The following FAM222A variants were observed in gnomAD, a reference collection of about 807,000 sequenced individuals.
The protein encoded by FAM222A is protein FAM222A.
In FAM222A, 7 loss-of-function variants were observed where a neutral mutation model predicts 25.8. The ratio of observed to expected loss-of-function variants is 0.27; its 90% CI spans 0.15 to 0.51. The LOEUF is 0.51. Among genes scored for constraint, FAM222A ranks in the 20% least tolerant of loss-of-function variants. The probability of loss-of-function intolerance (pLI) is 0.97; values close to 1 mark genes in which losing one functional copy is unlikely to be tolerated. For missense variants in FAM222A, 573 were observed against 640.5 expected, an observed-to-expected ratio of 0.89 and a Z score of 1.14; for synonymous variants, 294 against 298.8, an observed-to-expected ratio of 0.98 and a Z score of 0.17.
At chr12:109,747,717 A>C (rs1181662435) in intron 2 of FAM222A, among the ~76,000 whole-genome samples, 1 of 151,988 alleles carries the variant, frequency 6.6e-6, no homozygotes, top group Non-Finnish European at 1.5e-5. Context: ...TAGCTTTTTT[A>C]GCTAGCCTTT....
At chr12:109,740,265 G>T (rs1367167136) in intron 1 of FAM222A, among the ~76,000 whole-genome samples, 5 of 152,168 alleles carry the variant, frequency 3.3e-5, no homozygotes, top group Non-Finnish European at 7.3e-5. Flanking sequence ...TCTGGTGGAG[G>T]GGACCTTTTC....
intron 2 of FAM222A, chr12:109,744,860 G>A (rs1223961310): frequency 5.0e-6 from 4 of 804,994 alleles, no homozygotes; most frequent in Admixed American, 1.2e-4. Context: ...TGGTAACATA[G>A]GCCTGTGTGC....
chr12:109,728,964 G>A (rs1379738091), intron 1 of FAM222A, among the ~76,000 whole-genome samples: 1 of 111,144 alleles, frequency 9.0e-6, no homozygotes, highest in African/African-American at 3.1e-5. Context: ...AAGGCAGTGG[G>A]GTTACAGGTA....
rs1341223057 is a variant in FAM222A, at chr12:109,768,574, C to T, written c.645C>T (p.Ala215=). ...QLNQQCQAPG[A]APPACQGMAI... ...ACCAGCAGTGCCAGGCCCCGGGCGC[C>T]GCACCCCCTGCCTGCCAGGGCATGG... The change falls in exon 3 of 3, where the codon GCC becomes GCT. Residue 215 remains alanine (A), a synonymous_variant. Transcript: ENST00000538780. 15 of 1,601,722 alleles carry T rather than the reference C, an allele frequency of 9.4e-6. No individual in the cohort carries two copies. Among genetic ancestry groups the T allele is most frequent in the African/African-American group, 4.0e-5 (3 of 74,808 alleles).
intron 2 of FAM222A, among the ~76,000 whole-genome samples, chr12:109,754,666 CTTT>C (rs35822126): frequency 7.0e-6 from 1 of 143,600 alleles, no homozygotes; most frequent in South Asian, 2.2e-4. Context: ...GTTTGGGACT[CTTT>C]TTTTTTTTTT....
At chr12:109,741,298 C>G (rs1251938959) in intron 1 of FAM222A, among the ~76,000 whole-genome samples, 1 of 152,162 alleles carries the variant, frequency 6.6e-6, no homozygotes. Context: ...AAGTGAAGAG[C>G]ATCTCTCAGG....
chr12:109,743,798 T>TG lies in FAM222A; in HGVS notation c.-46-298dup, dbSNP rs965841087. Among the ~76,000 whole-genome samples, 6 of 152,174 alleles carry TG rather than the reference T, an allele frequency of 3.9e-5. No individual in the cohort carries two copies. In the East Asian group the frequency reaches 7.7e-4, roughly 20 times the overall value. ...GGAGGGAGTGAGGATCTCACCCAGT[T>TG]GGGGGCATCAGGGCAGGCCCCAGAG... On this transcript the variant is annotated intron_variant, in intron 1 of 2. Coordinates refer to ENST00000538780, the MANE Select transcript of FAM222A (RefSeq NM_032829.3).
chr12:109,724,296 G>C (rs936979596), intron 1 of FAM222A, among the ~76,000 whole-genome samples: 5 of 152,250 alleles, frequency 3.3e-5, no homozygotes, highest in African/African-American at 1.2e-4. Flanking sequence ...GACAGGGCTT[G>C]GTGTGGAGTG....
intron 2 of FAM222A, among the ~76,000 whole-genome samples, chr12:109,765,573 G>T (rs931021924): frequency 3.9e-5 from 6 of 152,198 alleles, no homozygotes; most frequent in African/African-American, 1.4e-4. Context: ...TCTACCAGTG[G>T]CCCAGGACTT....
At chr12:109,719,201 A>T (rs1887704457) in intron 1 of FAM222A, among the ~76,000 whole-genome samples, 1 of 152,220 alleles carries the variant, frequency 6.6e-6, no homozygotes, top group Non-Finnish European at 1.5e-5. Flanking sequence ...AGTACCTTCC[A>T]GAGTTTACGT....
chr12:109,769,236 C>G lies in FAM222A; in HGVS notation c.1307C>G (p.Pro436Arg), dbSNP rs758976307. Reference protein sequence around the residue: ...LGKGYETVAVPRLLDHQHAHI... With the variant: ...LGKGYETVAVRRLLDHQHAHI... ...AAGGGCTATGAGACGGTGGCCGTGCCCCGGCTACTCGACCACCAGCATGCC... is the reference window on the plus strand; with the variant it reads ...AAGGGCTATGAGACGGTGGCCGTGCGCCGGCTACTCGACCACCAGCATGCC... The change falls in exon 3 of 3, where the codon CCC becomes CGC. Residue 436 changes from proline to arginine, a missense_variant. This residue lies in a region of FAM222A where 49 missense variants were observed against 78.9 expected (regional missense o/e 0.62). Coordinates refer to ENST00000538780, the MANE Select transcript of FAM222A (RefSeq NM_032829.3). 1 of 1,611,678 alleles carries G rather than the reference C, an allele frequency of 6.2e-7. No individual in the cohort carries two copies. Among genetic ancestry groups the G allele is most frequent in the Non-Finnish European group, 8.5e-7 (1 of 1,179,604 alleles).
chr12:109,741,887 G>T lies in FAM222A; in HGVS notation c.-46-2214G>T, dbSNP rs1289099191. ...GTGCAGCCAAGCTCAGTGGTGAGGG[G>T]GTAAGTGCACCCAGCCACTCCCTGC... On this transcript the variant is annotated intron_variant, in intron 1 of 2. Coordinates refer to ENST00000538780, the MANE Select transcript of FAM222A (RefSeq NM_032829.3). 2.0e-5 allele frequency among the ~76,000 whole-genome samples: 3 copies of T among 152,208 alleles called. No individual in the cohort carries two copies. In the East Asian group the frequency reaches 5.8e-4, roughly 29 times the overall value.
chr12:109,751,947 A>T (rs1212467691), intron 2 of FAM222A, among the ~76,000 whole-genome samples: 1 of 152,200 alleles, frequency 6.6e-6, no homozygotes, highest in Admixed American at 6.5e-5. Context: ...AAATGGTAAC[A>T]TTTAACCAGC....
Position 109,769,076 on chromosome 12 carries a change from C to A in FAM222A, c.1147C>A (p.Pro383Thr). The change falls in exon 3 of 3, where the codon CCC (proline) becomes ACC (threonine). Residue 383 changes from proline to threonine, a missense_variant. Coordinates refer to ENST00000538780, the MANE Select transcript of FAM222A (RefSeq NM_032829.3). The part of the protein sequence containing the change: ...GPGAARELAG[P>T]PADALSGLPS... The stretch of plus-strand genomic sequence containing the variant: ...GGGGGCAGCCCGGGAGCTGGCTGGG[C>A]CCCCTGCAGATGCCCTCTCGGGCCT... The A allele has an allele frequency of 1.9e-6, 3 of 1,602,010 alleles. No individual in the cohort carries two copies. Among genetic ancestry groups the A allele is most frequent in the Non-Finnish European group, 2.6e-6 (3 of 1,175,244 alleles).
Position 109,768,682 on chromosome 12 carries a change from C to G in FAM222A, c.753C>G (p.Pro251=). 6.3e-7 allele frequency: 1 copy of G among 1,590,632 alleles called. No individual in the cohort carries two copies. The change falls in exon 3 of 3, where the codon CCC becomes CCG. Residue 251 remains proline (P), a synonymous_variant. Coordinates refer to ENST00000538780, the MANE Select transcript of FAM222A (RefSeq NM_032829.3). ...CCTACTCGGCTGCAGCCGGTCTGCC[C>G]GACTGCCGGAAAGGCACTGAGCTGG... ...SMAYSAAAGL[P]DCRKGTELGQ... is the part of the protein sequence containing the mutation.
intron 1 of FAM222A, among the ~76,000 whole-genome samples, chr12:109,727,991 T>C (rs1887874870): frequency 6.6e-6 from 1 of 152,114 alleles, no homozygotes. Flanking sequence ...TTCAACCCGC[T>C]CTGAGCCTCG....
intron 1 of FAM222A, among the ~76,000 whole-genome samples, chr12:109,737,283 TG>T (rs1231760285): frequency 6.6e-6 from 1 of 152,148 alleles, no homozygotes; most frequent in Non-Finnish European, 1.5e-5. Context: ...CTCAGGACTC[TG>T]GCTGCCAGCC....
intron 1 of FAM222A, among the ~76,000 whole-genome samples, chr12:109,715,258 G>A (rs967898900): frequency 6.6e-6 from 1 of 152,254 alleles, no homozygotes; most frequent in African/African-American, 2.4e-5. Context: ...AAAACGTTGA[G>A]GGTCTCCCGA....
chr12:109,768,018 C>T lies in FAM222A; in HGVS notation c.89C>T (p.Ala30Val), dbSNP rs780947711. 46 of 1,611,732 alleles carry T rather than the reference C, an allele frequency of 2.9e-5. No homozygotes were observed. In the Admixed American group the frequency reaches 5.8e-4, roughly 20 times the overall value. ...SKSLELRKCE[A>V]VASAMHSSRY... ...ACCTGCTTTCCTCCCACAGGCGAGG[C>T]GGTGGCCAGCGCCATGCATTCCTCC... Residue 30 changes from alanine to valine, a missense_variant, in exon 3 of 3, where the codon GCG becomes GTG. By Grantham distance (64) the Ala-to-Val change is moderately conservative. This residue lies in a region of FAM222A where 112 missense variants were observed against 154.6 expected (regional missense o/e 0.72). Coordinates refer to ENST00000538780, the MANE Select transcript of FAM222A (RefSeq NM_032829.3).
Sources: gnomAD v4.1 joint callset for allele counts (sites outside exome capture counted in the v4.1 genomes callset) on GRCh38, gnomAD v4.1.1 for gene constraint, gnomAD v4.1.1 regional missense constraint, MANE v1.5 for transcripts, NCBI Gene and HGNC (gene_info 2026-07-23, HGNC 2026-07-21) for gene names.